Variants in ACSM2B observed in about 807,000 individuals in gnomAD.
ACSM2B encodes the protein acyl-coenzyme A synthetase ACSM2B, mitochondrial.
Under a neutral mutation model 78.6 loss-of-function variants are expected in ACSM2B, and 58 were observed. The ratio of observed to expected loss-of-function variants is 0.74; its 90% CI spans 0.60 to 0.92. The LOEUF is 0.92. Ranked by LOEUF, ACSM2B falls within the 40% of genes least tolerant of loss-of-function variation. ACSM2B has a pLI of 0.00. For missense variants in ACSM2B, 688 were observed against 711.2 expected, an observed-to-expected ratio of 0.97 and a Z score of 0.37; for synonymous variants, 257 against 256.8, an observed-to-expected ratio of 1.00 and a Z score of -0.01.
chr16:20,575,354 A>G (rs1222361267), intron 1 of ACSM2B: 2 of 151,822 alleles, frequency 1.3e-5, no homozygotes, highest in South Asian at 2.1e-4. Flanking sequence ...AAGTATTAAC[A>G]TATGTATGTG....
Position 20,537,082 on chromosome 16 carries a change from C to T in ACSM2B, c.*176G>A, listed in dbSNP as rs566972361. ...CCTTTTCACTCTCTCTCATTCCTTC[C>T]CTTTCTTATTTCAATATCTAACATA... is the stretch of plus-strand genomic sequence containing the variant. On this transcript the variant is annotated 3_prime_UTR_variant, in exon 14 of 14. Transcript: ENST00000329697. 7 of 707,884 alleles carry T rather than the reference C, an allele frequency of 9.9e-6. No individual in the cohort carries two copies. The highest frequency in any genetic ancestry group is 1.8e-5 in the African/African-American group (1 of 55,930). The allele number at this position is 707,884 out of a possible 1,614,324, so 43.9% of individuals were successfully genotyped here. A position where few individuals can be genotyped will look rare whatever the true frequency, so the allele number is the denominator to read the frequency against.
chr16:20,556,751 C>G (rs1332659317), intron 3 of ACSM2B, among the ~76,000 whole-genome samples: 4 of 152,190 alleles, frequency 2.6e-5, no homozygotes, highest in Admixed American at 6.5e-5. Context: ...CACTGCACAC[C>G]TGTAAATATC....
chr16:20,567,237 T>C (rs1179052296), intron 1 of ACSM2B, among the ~76,000 whole-genome samples: 1 of 128,728 alleles, frequency 7.8e-6, no homozygotes, highest in Non-Finnish European at 1.6e-5. Flanking sequence ...ATATAATATA[T>C]AGTGTAATAT....
chr16:20,554,155 C>A (rs536207553), intron 4 of ACSM2B: 6 of 688,302 alleles, frequency 8.7e-6, no homozygotes, highest in Non-Finnish European at 1.6e-5. Flanking sequence ...ACTTATTTAA[C>A]TTCTCTGTGT....
intron 1 of ACSM2B, among the ~76,000 whole-genome samples, chr16:20,567,808 TG>T (rs2015972714): frequency 1.4e-5 from 2 of 141,180 alleles, no homozygotes; most frequent in Non-Finnish European, 3.1e-5. Flanking sequence ...TATAATAGTA[TG>T]GTATGTATAG....
At chr16:20,570,322 G>T (rs529716417) in intron 1 of ACSM2B, among the ~76,000 whole-genome samples, 100 of 151,990 alleles carry the variant, frequency 6.6e-4, no homozygotes, top group East Asian at 9.7e-4. Context: ...AGATAATAAT[G>T]TGATTTTTGT....
intron 6 of ACSM2B, among the ~76,000 whole-genome samples, chr16:20,551,102 ATGT>A (rs1465888202): frequency 6.6e-6 from 1 of 152,206 alleles, no homozygotes; most frequent in African/African-American, 2.4e-5. Context: ...ATTATATATA[ATGT>A]TGTTCCATTT....
Position 20,540,332 on chromosome 16 carries a change from T to TC in ACSM2B, c.1629+321dup, listed in dbSNP as rs567488843. Among the ~76,000 whole-genome samples the TC allele has an allele frequency of 5.4e-5, 8 of 148,120 alleles. No homozygotes were observed. In the East Asian group the frequency reaches 1.1e-3, roughly 20 times the overall value. Reference sequence around the variant, plus strand: ...ATCTCGGCTCACTGTAACCTACACCTCCCAGATTCGAGCGATTCTCATGCC... The same window carrying TC: ...ATCTCGGCTCACTGTAACCTACACCTCCCCAGATTCGAGCGATTCTCATGCC... On this transcript the variant is annotated intron_variant, in intron 13 of 13. Transcript: ENST00000329697.
chr16:20,557,412 C>A (rs1020686252), intron 3 of ACSM2B, among the ~76,000 whole-genome samples: 3 of 149,300 alleles, frequency 2.0e-5, no homozygotes, highest in Admixed American at 6.7e-5. Context: ...AGTTCCCCCC[C>A]AATTGCCTGT....
In ACSM2B at chr16:20,548,548, A is replaced by G. The variant is rs369876624; in HGVS notation, c.895-75T>C. 1,913 of 1,608,846 alleles carry G rather than the reference A, an allele frequency of 1.2e-3. 39 individuals carry two copies. In the South Asian group the frequency reaches 0.019, roughly 16 times the overall value. Reference sequence around the variant, plus strand: ...CTTATGGCTATGCACAGTGGTTACAATTGTGAGCTATGGAGTTGTAGAGGT... The same window carrying G: ...CTTATGGCTATGCACAGTGGTTACAGTTGTGAGCTATGGAGTTGTAGAGGT... On this transcript the variant is annotated intron_variant, in intron 6 of 13. Coordinates refer to ENST00000329697, the MANE Select transcript of ACSM2B (RefSeq NM_001105069.2).
At chr16:20,566,112 AT>A (rs564473880) in intron 1 of ACSM2B, among the ~76,000 whole-genome samples, 165 of 115,384 alleles carry the variant, frequency 1.4e-3, no homozygotes, top group South Asian at 0.014. Flanking sequence ...TATCGAAAAA[AT>A]ATAAAAATTC....
intron 13 of ACSM2B, 60 bp from the exon 14 acceptor site, chr16:20,537,422 T>C (rs902248413): frequency 6.3e-7 from 1 of 1,586,350 alleles, no homozygotes; most frequent in African/African-American, 1.3e-5. Flanking sequence ...GTTGCATTTT[T>C]CAGAACTGCT....
intron 1 of ACSM2B, among the ~76,000 whole-genome samples, chr16:20,569,285 T>C (rs1412697028): frequency 2.0e-5 from 3 of 152,078 alleles, no homozygotes; most frequent in Non-Finnish European, 4.4e-5. Context: ...TACATGTGGC[T>C]TGCCAATTAT....
intron 1 of ACSM2B, among the ~76,000 whole-genome samples, chr16:20,567,187 CAT>C (rs1453909697): frequency 1.6e-5 from 2 of 128,786 alleles, no homozygotes; most frequent in East Asian, 2.2e-4. Flanking sequence ...ACTATTATAA[CAT>C]ATTATACTAT....
At chr16:20,568,219 A>G (rs1210654204) in intron 1 of ACSM2B, among the ~76,000 whole-genome samples, 1 of 144,598 alleles carries the variant, frequency 6.9e-6, no homozygotes, top group Non-Finnish European at 1.5e-5. Context: ...TATGTAAAAA[A>G]TGTATTTTAT....
intron 12 of ACSM2B, 48 bp from the exon 13 acceptor site, chr16:20,540,821 C>A (rs1173711355): frequency 6.3e-7 from 1 of 1,592,992 alleles, no homozygotes; most frequent in Non-Finnish European, 8.6e-7. Flanking sequence ...AGTGTGTAGT[C>A]ATCTCCTGGA....
rs1419662879 is a variant in ACSM2B at position 20,573,195 on chromosome 16, C to T, written c.-9+3012G>A. On this transcript the variant is annotated intron_variant, in intron 1 of 13. Transcript: ENST00000329697. ...CCTGGTTCCTTCTCATTTGGGTAGGCTATGTTAGAGGGAAGATCTGGGGCT... is the reference window on the plus strand; with the variant it reads ...CCTGGTTCCTTCTCATTTGGGTAGGTTATGTTAGAGGGAAGATCTGGGGCT... 5.3e-5 allele frequency among the ~76,000 whole-genome samples: 8 copies of T among 151,894 alleles called. No homozygotes were observed. The East Asian group carries it at 1.6e-3, about 30-fold the overall frequency.
rs1230536583 is a variant in ACSM2B, at chr16:20,566,258, T to TAC, written c.-8-1406_-8-1405insGT. On this transcript the variant is annotated intron_variant, in intron 1 of 13. Transcript: ENST00000329697. Reference sequence around the variant, plus strand: ...GCCTTCATGGAAGATTATATATATATATATATATATATATATATATATATA... The same window carrying TAC: ...GCCTTCATGGAAGATTATATATATATACATATATATATATATATATATATATA... Among the ~76,000 whole-genome samples, 9 of 89,708 alleles carry TAC rather than the reference T, an allele frequency of 1.0e-4. 1 individual carries two copies. Among genetic ancestry groups the TAC allele is most frequent in the African/African-American group, 3.2e-4 (9 of 28,216 alleles). The allele number at this position is 89,708 out of a possible 152,430, so 58.9% of individuals were successfully genotyped here. A position where few individuals can be genotyped will look rare whatever the true frequency, so the allele number is the denominator to read the frequency against.
intron 12 of ACSM2B, chr16:20,542,679 A>G (rs562478230): frequency 2.9e-5 from 16 of 551,154 alleles, no homozygotes; most frequent in Non-Finnish European, 4.7e-5. Context: ...ACCATACTTA[A>G]GTACTTTACA....
Sources: allele counts gnomAD v4.1 joint callset (sites outside exome capture counted in the v4.1 genomes callset), GRCh38; gene constraint gnomAD v4.1.1; transcripts MANE v1.5; gene names NCBI Gene and HGNC (gene_info 2026-07-23, HGNC 2026-07-21).